The following XRCC6 variants were observed in gnomAD, a reference collection of about 807,000 sequenced individuals.
XRCC6 encodes the protein X-ray repair cross complementing 6.
Under a neutral mutation model 65.7 loss-of-function variants are expected in XRCC6, and 5 were observed. The ratio of observed to expected loss-of-function variants is 0.08; its 90% CI spans 0.04 to 0.16. XRCC6 has a LOEUF of 0.16. Among genes scored for constraint, XRCC6 ranks in the 10% least tolerant of loss-of-function variants. XRCC6 has a pLI of 1.00. For synonymous variants in XRCC6, 270 were observed against 270.6 expected (o/e 1.00, Z 0.02); for missense variants, 447 against 738.1 (o/e 0.61, Z 4.57).
At chr22:41,660,629 C>T (rs1174953812) in intron 11 of XRCC6, among the ~76,000 whole-genome samples, 2 of 152,090 alleles carry the variant, frequency 1.3e-5, no homozygotes, top group African/African-American at 4.8e-5. Context: ...TCCTTAACAC[C>T]CTACCTTCCA....
At chr22:41,649,492 T>C (rs935376820) in intron 7 of XRCC6, among the ~76,000 whole-genome samples, 9 of 151,982 alleles carry the variant, frequency 5.9e-5, no homozygotes, top group Admixed American at 2.6e-4. Context: ...GTAGTACTTA[T>C]ATGTGTGTGT....
At chr22:41,622,196 A>G in intron 2 of XRCC6, 110 bp downstream of exon 2, 1 of 1,130,992 alleles carries the variant, frequency 8.8e-7, no homozygotes. Flanking sequence ...CTCCTCCCAG[A>G]TAATTCTGAA....
At chr22:41,653,804 A>G in intron 9 of XRCC6, 114 bp downstream of exon 9, 1 of 1,334,080 alleles carries the variant, frequency 7.5e-7, no homozygotes, top group Non-Finnish European at 1.0e-6. Flanking sequence ...GGGCTTAAAA[A>G]TGTCTATTTT....
chr22:41,636,816 T>A lies in XRCC6; in HGVS notation c.589+46T>A, dbSNP rs1360518312. ...TCTTAAATTGGCACTTAATTATTGTTTTTTTATTTTTTATTTTTTTAGGAG... is the reference window on the plus strand; with the variant it reads ...TCTTAAATTGGCACTTAATTATTGTATTTTTATTTTTTATTTTTTTAGGAG... On this transcript the variant is annotated intron_variant, in intron 5 of 12. Transcript: ENST00000360079. The A allele has an allele frequency of 3.2e-6, 5 of 1,565,366 alleles. No individual in the cohort carries two copies. In the South Asian group the frequency reaches 6.2e-5, roughly 19 times the overall value.
chr22:41,640,913 G>A (rs2067868654), intron 6 of XRCC6, among the ~76,000 whole-genome samples: 1 of 152,094 alleles, frequency 6.6e-6, no homozygotes, highest in South Asian at 2.1e-4. Context: ...TATGCGACCT[G>A]ACTTCTCTGA....
chr22:41,630,019 C>G (rs191536964), intron 3 of XRCC6, among the ~76,000 whole-genome samples: 3 of 137,376 alleles, frequency 2.2e-5, no homozygotes, highest in South Asian at 2.3e-4. Context: ...GAGTCTCGCT[C>G]TGTCACCAGG....
intron 7 of XRCC6, among the ~76,000 whole-genome samples, chr22:41,649,139 A>AAAAAAAATATATATATATATATATATAT: frequency 6.8e-5 from 6 of 88,734 alleles, no homozygotes; most frequent in Non-Finnish European, 1.2e-4. Context: ...AAAAAAAAAA[A>AAAAAAAATATATATATATATATATATAT]ATATATATAT....
chr22:41,656,690 G>C (rs1002300374), intron 9 of XRCC6, among the ~76,000 whole-genome samples: 8 of 152,164 alleles, frequency 5.3e-5, no homozygotes, highest in African/African-American at 1.9e-4. Context: ...TATACAGGAA[G>C]GGGCACCCCT....
At chr22:41,624,836 A>C (rs947563473) in intron 2 of XRCC6, among the ~76,000 whole-genome samples, 16 of 149,296 alleles carry the variant, frequency 1.1e-4, no homozygotes, top group Admixed American at 9.4e-4. Flanking sequence ...TGTCTACTAA[A>C]AATACAAAAA....
At chr22:41,633,651 G>C (rs2147078953) in intron 3 of XRCC6, among the ~76,000 whole-genome samples, 1 of 152,174 alleles carries the variant, frequency 6.6e-6, no homozygotes, top group Admixed American at 6.6e-5. Flanking sequence ...AAAGTGCTGG[G>C]ATTACAGGCA....
intron 6 of XRCC6, among the ~76,000 whole-genome samples, chr22:41,639,667 C>CTTTTTTTTTTTTTTTTTTTT (rs71184825): frequency 1.2e-5 from 1 of 81,044 alleles, no homozygotes; most frequent in African/African-American, 5.7e-5. Context: ...GATTCTCTCT[C>CTTTTTTTTTTTTTTTTTTTT]TTTTTTTTTT....
intron 3 of XRCC6, among the ~76,000 whole-genome samples, chr22:41,633,098 G>T (rs1357358764): frequency 3.1e-4 from 47 of 151,982 alleles, no homozygotes; most frequent in Admixed American, 3.1e-3. Context: ...TTGCAGTCCA[G>T]CCTGGGCAAT....
intron 3 of XRCC6, among the ~76,000 whole-genome samples, chr22:41,633,592 A>G (rs2067779707): frequency 6.6e-6 from 1 of 152,256 alleles, no homozygotes; most frequent in Admixed American, 6.5e-5. Context: ...CATGTTAGCC[A>G]GGATGGTCTC....
chr22:41,640,217 CAG>C (rs2067861046), intron 6 of XRCC6, among the ~76,000 whole-genome samples: 1 of 151,922 alleles, frequency 6.6e-6, no homozygotes, highest in Admixed American at 6.6e-5. Flanking sequence ...GGCGTGATCT[CAG>C]CTCACTACAA....
chr22:41,651,297 C>CA (rs1173573458), intron 8 of XRCC6, among the ~76,000 whole-genome samples: 2 of 135,964 alleles, frequency 1.5e-5, no homozygotes, highest in Admixed American at 7.7e-5. Flanking sequence ...GACTCTGTCT[C>CA]AAAAAAACCA....
chr22:41,634,547 T>C (rs1032127985), intron 3 of XRCC6, among the ~76,000 whole-genome samples: 5 of 106,284 alleles, frequency 4.7e-5, no homozygotes, highest in African/African-American at 4.2e-4. Context: ...ATGAACTCTC[T>C]TTTTTTTTTT....
intron 5 of XRCC6, 52 bp downstream of exon 5, chr22:41,636,822 AT>A (rs1569085953): frequency 1.9e-6 from 3 of 1,567,048 alleles, no homozygotes; most frequent in Non-Finnish European, 1.7e-6. Flanking sequence ...TTGTTTTTTT[AT>A]TTTTTATTTT....
intron 8 of XRCC6, among the ~76,000 whole-genome samples, chr22:41,651,734 G>T (rs1393008478): frequency 6.6e-6 from 1 of 151,568 alleles, no homozygotes; most frequent in African/African-American, 2.4e-5. Flanking sequence ...CACCATTTTG[G>T]CCAGTCTGGT....
rs145806061 is a variant in XRCC6, at chr22:41,626,393, G to A, written c.83-1725G>A. Among the ~76,000 whole-genome samples the A allele has an allele frequency of 7.9e-5, 12 of 152,144 alleles. No homozygotes were observed. The South Asian group carries it at 1.5e-3, about 18-fold the overall frequency. On this transcript the variant is annotated intron_variant, in intron 2 of 12. Coordinates refer to ENST00000360079, the MANE Select transcript of XRCC6 (RefSeq NM_001469.5). ...CTTGTCCTCGTGATCCACATGCCTCGGCCTCCCAAAGTGCTGGGATTACAG... is the reference window on the plus strand; with the variant it reads ...CTTGTCCTCGTGATCCACATGCCTCAGCCTCCCAAAGTGCTGGGATTACAG...
Sources: allele counts gnomAD v4.1 joint callset (sites outside exome capture counted in the v4.1 genomes callset), GRCh38; gene constraint gnomAD v4.1.1; transcripts MANE v1.5; gene names NCBI Gene and HGNC (gene_info 2026-07-23, HGNC 2026-07-21).